Variants in TRIM44 observed in about 807,000 individuals in gnomAD.
TRIM44 encodes the protein tripartite motif containing 44.
In TRIM44, 13 loss-of-function variants were observed where a neutral mutation model predicts 37.4. The ratio of observed to expected loss-of-function variants is 0.35; its 90% CI spans 0.23 to 0.55. TRIM44 has a LOEUF of 0.55. TRIM44 is among the 20% of genes least tolerant of loss of function. The pLI is 0.89. For missense variants in TRIM44, 426 were observed against 437.2 expected, an observed-to-expected ratio of 0.97 and a Z score of 0.23; for synonymous variants, 175 against 157.2, an observed-to-expected ratio of 1.11 and a Z score of -0.85.
chr11:35,791,735 C>T (rs1002331229), intron 4 of TRIM44, among the ~76,000 whole-genome samples: 13 of 152,166 alleles, frequency 8.5e-5, no homozygotes, highest in Non-Finnish European at 2.9e-5. Context: ...TCTGTCAACA[C>T]TCAGTGATAA....
At position 35,809,002 on chromosome 11, in the gene TRIM44, T is replaced by TAATG. The variant is rs1701959433; in HGVS notation, c.*2622_*2625dup. 1 of 152,186 alleles carries TAATG rather than the reference T, an allele frequency of 6.6e-6. No individual in the cohort carries two copies. The highest frequency in any genetic ancestry group is 2.4e-5 in the African/African-American group (1 of 41,452). 9.4% of individuals were successfully genotyped at this position (152,186 alleles called of 1,614,324 possible). The stretch of plus-strand genomic sequence containing the variant: ...AAGAGAAGTCACCAAGGGAGGCAGG[T>TAATG]AATGAATGTTTCCAGAATCAGTCGG... On this transcript the variant is annotated 3_prime_UTR_variant, in exon 5 of 5. Transcript: ENST00000299413.
intron 4 of TRIM44, among the ~76,000 whole-genome samples, chr11:35,766,536 C>T (rs1852800918): frequency 6.6e-6 from 1 of 152,228 alleles, no homozygotes; most frequent in Non-Finnish European, 1.5e-5. Context: ...AGTGCTCCTA[C>T]ATGCCCACAT....
chr11:35,772,321 A>C (rs1325016593), intron 4 of TRIM44, among the ~76,000 whole-genome samples: 1 of 152,226 alleles, frequency 6.6e-6, no homozygotes, highest in Non-Finnish European at 1.5e-5. Context: ...CCCTACACAG[A>C]GTCCCTACTG....
intron 4 of TRIM44, among the ~76,000 whole-genome samples, chr11:35,777,549 G>T (rs940832192): frequency 2.0e-5 from 3 of 152,148 alleles, no homozygotes; most frequent in African/African-American, 7.2e-5. Flanking sequence ...TCCTAGCATC[G>T]ATGGTCTTTA....
chr11:35,803,947 T>C (rs903153234), intron 4 of TRIM44, among the ~76,000 whole-genome samples: 2 of 144,864 alleles, frequency 1.4e-5, no homozygotes, highest in African/African-American at 5.1e-5. Flanking sequence ...TGGGTTATTA[T>C]AAAAATAAGA....
chr11:35,783,450 A>T (rs931636509), intron 4 of TRIM44, among the ~76,000 whole-genome samples: 1 of 152,222 alleles, frequency 6.6e-6, no homozygotes, highest in Non-Finnish European at 1.5e-5. Context: ...ATGGACATAG[A>T]ATCCAGCAAC....
At chr11:35,720,425 T>G (rs1852088020) in intron 2 of TRIM44, among the ~76,000 whole-genome samples, 2 of 151,450 alleles carry the variant, frequency 1.3e-5, no homozygotes, top group Admixed American at 1.3e-4. Flanking sequence ...TCTTTTTTTT[T>G]TTTCCTTTTT....
At chr11:35,804,689 A>G (rs1247783150) in intron 4 of TRIM44, among the ~76,000 whole-genome samples, 1 of 152,188 alleles carries the variant, frequency 6.6e-6, no homozygotes, top group Non-Finnish European at 1.5e-5. Context: ...TTTGGGACAG[A>G]TGCCATTAAA....
chr11:35,745,790 G>C (rs1483494008), intron 4 of TRIM44, among the ~76,000 whole-genome samples: 3 of 152,094 alleles, frequency 2.0e-5, no homozygotes, highest in Admixed American at 6.5e-5. Flanking sequence ...AGACACACCA[G>C]TTCACCTAAG....
intron 3 of TRIM44, 71 bp downstream of exon 3, chr11:35,726,234 C>A: frequency 1.3e-6 from 2 of 1,568,188 alleles, no homozygotes; most frequent in South Asian, 1.2e-5. Flanking sequence ...TTGTTAGACC[C>A]CATGTGGTCC....
intron 4 of TRIM44, among the ~76,000 whole-genome samples, chr11:35,765,032 C>T (rs7930121): frequency 0.057 from 8,678 of 152,076 alleles, 820 homozygotes; most frequent in African/African-American, 0.2. Context: ...GACATGATAT[C>T]GAAAGACTTT....
chr11:35,667,235 TTC>T (rs1368906371), intron 1 of TRIM44, among the ~76,000 whole-genome samples: 4 of 152,210 alleles, frequency 2.6e-5, no homozygotes, highest in African/African-American at 9.7e-5. Flanking sequence ...TCATGTGATT[TTC>T]TCTTTCACTT....
chr11:35,705,618 CT>C (rs1310800675), intron 2 of TRIM44, among the ~76,000 whole-genome samples: 2 of 150,324 alleles, frequency 1.3e-5, no homozygotes, highest in African/African-American at 4.8e-5. Context: ...TCACTCAAAA[CT>C]GCTCAACTAC....
intron 4 of TRIM44, among the ~76,000 whole-genome samples, chr11:35,797,040 T>A (rs1853301939): frequency 6.6e-6 from 1 of 152,206 alleles, no homozygotes; most frequent in Admixed American, 6.5e-5. Flanking sequence ...TCTCTTGTGT[T>A]CTTTGCAGAA....
intron 4 of TRIM44, among the ~76,000 whole-genome samples, chr11:35,771,826 A>G (rs1852876442): frequency 6.6e-6 from 1 of 152,120 alleles, no homozygotes; most frequent in Non-Finnish European, 1.5e-5. Context: ...AGAAAAACCC[A>G]TTTTTCTGAG....
chr11:35,730,132 A>G (rs1294549149), intron 3 of TRIM44, among the ~76,000 whole-genome samples: 1 of 152,244 alleles, frequency 6.6e-6, no homozygotes, highest in Non-Finnish European at 1.5e-5. Flanking sequence ...CTCTGGAAAT[A>G]AATGAAAACC....
Position 35,663,661 on chromosome 11 carries a change from C to G in TRIM44, c.550C>G (p.Leu184Val). The G allele has an allele frequency of 6.2e-7, 1 of 1,614,144 alleles. No homozygotes were observed. Among genetic ancestry groups the G allele is most frequent in the Middle Eastern group, 1.6e-4 (1 of 6,062 alleles). ...CAAGAGGAAGTGTCCGGACCATGGGCTTGATTTGAGTACCTATTGCCAGGA... is the reference window on the plus strand; with the variant it reads ...CAAGAGGAAGTGTCCGGACCATGGGGTTGATTTGAGTACCTATTGCCAGGA... ...VAKRKCPDHG[L>V]DLSTYCQEDR... is the part of the protein sequence containing the mutation. Residue 184 changes from leucine (L) to valine (V), a missense_variant, in exon 1 of 5, where the codon CTT becomes GTT. Around this residue, in one of 2 missense-constraint regions of TRIM44, gnomAD observed 331 missense variants for 303.0 expected, o/e 1.09. Transcript: ENST00000299413.
chr11:35,809,655 A>G lies in TRIM44; in HGVS notation c.*3270A>G, dbSNP rs1474273562. 1 of 152,162 alleles carries G rather than the reference A, an allele frequency of 6.6e-6. No homozygotes were observed. The highest frequency in any genetic ancestry group is 2.1e-4 in the South Asian group (1 of 4,830). 9.4% of individuals were successfully genotyped at this position (152,162 alleles called of 1,614,324 possible). ...TGAAGGGTGTTCTGCTCTCTACTCA[A>G]CTTTATTTGAAAATGTCTGCAGCTT... On this transcript the variant is annotated 3_prime_UTR_variant, in exon 5 of 5. Transcript: ENST00000299413.
At position 35,711,327 on chromosome 11, in the gene TRIM44, G is replaced by C. The variant is rs186569806; in HGVS notation, c.748-14597G>C. ...CCTTTTCTCTTCCTGACAGGGATGAGGGTTAAAAACCTGATGTTGGCCTCT... is the reference window on the plus strand; with the variant it reads ...CCTTTTCTCTTCCTGACAGGGATGACGGTTAAAAACCTGATGTTGGCCTCT... On this transcript the variant is annotated intron_variant, in intron 2 of 4. Transcript: ENST00000299413. Among the ~76,000 whole-genome samples the C allele has an allele frequency of 3.9e-5, 6 of 152,224 alleles. No homozygotes were observed. In the East Asian group the frequency reaches 1.2e-3, roughly 29 times the overall value.
Sources: allele counts gnomAD v4.1 joint callset (sites outside exome capture counted in the v4.1 genomes callset), GRCh38; gene constraint gnomAD v4.1.1; regional missense constraint gnomAD v4.1.1; transcripts MANE v1.5; gene names NCBI Gene and HGNC (gene_info 2026-07-23, HGNC 2026-07-21).